Variants in ERP27 observed in about 807,000 individuals in gnomAD.
The protein encoded by ERP27 is endoplasmic reticulum protein 27, also known as endoplasmic reticulum resident protein 27.
Under a neutral mutation model 27.7 loss-of-function variants are expected in ERP27, and 23 were observed. That is an observed-to-expected ratio of 0.83 (90% CI 0.60 to 1.18). The LOEUF is 1.18. Among genes scored for constraint, ERP27 ranks in the 50% most tolerant of loss-of-function variants. The probability of loss-of-function intolerance (pLI) is 0.00; values close to 1 mark genes in which losing one functional copy is unlikely to be tolerated. For synonymous variants in ERP27, 159 were observed against 118.3 expected, an observed-to-expected ratio of 1.34 and a Z score of -2.23; for missense variants, 363 against 327.9, an observed-to-expected ratio of 1.11 and a Z score of -0.83.
intron 2 of ERP27, among the ~76,000 whole-genome samples, chr12:14,937,554 C>G (rs1490646179): frequency 1.3e-5 from 2 of 152,180 alleles, no homozygotes; most frequent in Non-Finnish European, 2.9e-5. Flanking sequence ...ATCCTGTAAA[C>G]AGTGTTGCTG....
intron 3 of ERP27, among the ~76,000 whole-genome samples, chr12:14,927,653 C>T (rs768140344): frequency 1.3e-5 from 2 of 151,994 alleles, no homozygotes; most frequent in Non-Finnish European, 2.9e-5. Context: ...AAGCAGTCCT[C>T]AATGCAGGGT....
intron 4 of ERP27, among the ~76,000 whole-genome samples, chr12:14,919,444 A>G (rs1236485098): frequency 6.6e-6 from 1 of 152,096 alleles, no homozygotes; most frequent in African/African-American, 2.4e-5. Flanking sequence ...GGACCATAAG[A>G]TCATCTTTTC....
intron 1 of ERP27, 138 bp from the exon 2 acceptor site, chr12:14,938,190 G>T (rs1023146777): frequency 2.3e-5 from 18 of 797,514 alleles, no homozygotes; most frequent in Middle Eastern, 2.4e-4. Context: ...GCATTCCAAG[G>T]CATAATATTT....
At chr12:14,929,299 G>A (rs1052311881) in intron 3 of ERP27, among the ~76,000 whole-genome samples, 1 of 152,144 alleles carries the variant, frequency 6.6e-6, no homozygotes, top group Non-Finnish European at 1.5e-5. Context: ...AAGCAAAAGA[G>A]CTTTAATAAA....
intron 4 of ERP27, among the ~76,000 whole-genome samples, chr12:14,918,206 G>A (rs1863444048): frequency 6.6e-5 from 10 of 152,200 alleles, no homozygotes; most frequent in Admixed American, 4.6e-4. Flanking sequence ...ATGGCAGACA[G>A]GGATTCACAC....
chr12:14,915,522 G>A lies in ERP27; in HGVS notation c.741C>T (p.Asn247=), dbSNP rs756042007. 6.2e-7 allele frequency: 1 copy of A among 1,614,188 alleles called. No homozygotes were observed. Among genetic ancestry groups the A allele is most frequent in the Non-Finnish European group, 8.5e-7 (1 of 1,180,014 alleles). The stretch of plus-strand genomic sequence containing the variant: ...TTCCACTTAGGAATCCATCACAAAA[G>A]TTTTGCACATGCTCTACGGAAACTT... ...TAEVSVEHVQ[N]FCDGFLSGKL... Residue 247 remains asparagine (N), a synonymous_variant, in exon 6 of 7, where the codon AAC becomes AAT. Coordinates refer to ENST00000266397, the MANE Select transcript of ERP27 (RefSeq NM_152321.4).
chr12:14,914,806 AT>A, intron 6 of ERP27, 24 bp from the exon 7 acceptor site: 1 of 1,594,586 alleles, frequency 6.3e-7, no homozygotes, highest in Non-Finnish European at 8.6e-7. Context: ...TAACAATGAT[AT>A]TTAGATTAGT....
intron 3 of ERP27, chr12:14,929,197 C>G: frequency 7.9e-7 from 1 of 1,272,012 alleles, no homozygotes; most frequent in Admixed American, 3.2e-5. Flanking sequence ...ACAGGGAGAA[C>G]AAGAAAAGCC....
At chr12:14,937,496 G>A (rs1390544273) in intron 2 of ERP27, among the ~76,000 whole-genome samples, 1 of 152,210 alleles carries the variant, frequency 6.6e-6, no homozygotes, top group Non-Finnish European at 1.5e-5. Context: ...ATATTTGGGG[G>A]AAAGGCTTTA....
At chr12:14,929,677 C>A (rs1863668383) in intron 3 of ERP27, among the ~76,000 whole-genome samples, 1 of 152,110 alleles carries the variant, frequency 6.6e-6, no homozygotes, top group Admixed American at 6.5e-5. Flanking sequence ...TCAAGAGTAT[C>A]TGAAGTAGAT....
chr12:14,932,342 G>C (rs1280974231), intron 3 of ERP27, among the ~76,000 whole-genome samples: 1 of 152,198 alleles, frequency 6.6e-6, no homozygotes, highest in East Asian at 1.9e-4. Context: ...TAACATTCCT[G>C]AACTGATTCA....
At chr12:14,919,545 G>A (rs920459286) in intron 4 of ERP27, among the ~76,000 whole-genome samples, 1 of 152,174 alleles carries the variant, frequency 6.6e-6, no homozygotes, top group Non-Finnish European at 1.5e-5. Flanking sequence ...AGTGGAAATA[G>A]AGTCACCAAC....
chr12:14,921,013 G>T lies in ERP27; in HGVS notation c.369C>A (p.Asp123Glu). Reference sequence around the variant, plus strand: ...ATTTGGTGGCATCAATGCTTTCAATGTCTTCGTCCTCTAAATTCAGTTGTT... The same window carrying T: ...ATTTGGTGGCATCAATGCTTTCAATTTCTTCGTCCTCTAAATTCAGTTGTT... Reference protein sequence around the residue: ...DNEQLNLEDEDIESIDATKLS... With the variant: ...DNEQLNLEDEEIESIDATKLS... Residue 123 changes from aspartate (D) to glutamate (E), a missense_variant, in exon 4 of 7, where the codon GAC becomes GAA. Coordinates refer to ENST00000266397, the MANE Select transcript of ERP27 (RefSeq NM_152321.4). 2 of 1,614,102 alleles carry T rather than the reference G, an allele frequency of 1.2e-6. No individual in the cohort carries two copies. Among genetic ancestry groups the T allele is most frequent in the Non-Finnish European group, 1.7e-6 (2 of 1,179,976 alleles).
At position 14,914,594 on chromosome 12, in the gene ERP27, G is replaced by A. The variant is rs535684433; in HGVS notation, c.*141C>T. The A allele has an allele frequency of 4.5e-5, 28 of 622,806 alleles. No homozygotes were observed. The highest frequency in any genetic ancestry group is 9.3e-5 in the African/African-American group (5 of 53,716). The allele number at this position is 622,806 out of a possible 1,614,324, so 38.6% of individuals were successfully genotyped here. On this transcript the variant is annotated 3_prime_UTR_variant, in exon 7 of 7. Transcript: ENST00000266397. Reference sequence around the variant, plus strand: ...TGTGTGTGTGCGTGTGTGTGTGCACGCGTGCGTGCGTGTGTGCACGTGCGT... The same window carrying A: ...TGTGTGTGTGCGTGTGTGTGTGCACACGTGCGTGCGTGTGTGCACGTGCGT...
intron 2 of ERP27, among the ~76,000 whole-genome samples, chr12:14,935,729 C>G (rs1001705311): frequency 1.3e-5 from 2 of 152,058 alleles, no homozygotes; most frequent in African/African-American, 4.8e-5. Flanking sequence ...TTAAGATGTA[C>G]TTTGTTTATT....
At chr12:14,933,746 C>A (rs1017984161) in intron 3 of ERP27, among the ~76,000 whole-genome samples, 3 of 152,218 alleles carry the variant, frequency 2.0e-5, no homozygotes, top group Non-Finnish European at 4.4e-5. Context: ...CATGACCTCA[C>A]TATTCTTAGA....
chr12:14,931,988 C>T (rs1863704529), intron 3 of ERP27, among the ~76,000 whole-genome samples: 1 of 152,138 alleles, frequency 6.6e-6, no homozygotes, highest in African/African-American at 2.4e-5. Flanking sequence ...TCTTATTTCA[C>T]ACTGGTGAGA....
rs527546309 is a variant in ERP27, at chr12:14,920,306, G to A, written c.450+626C>T. On this transcript the variant is annotated intron_variant, in intron 4 of 6. Transcript: ENST00000266397. Reference sequence around the variant, plus strand: ...AGGCTGAGGCATGGTGAGGGTGTAGGCACTTGCTAGTCAAAGCATGGTTTG... The same window carrying A: ...AGGCTGAGGCATGGTGAGGGTGTAGACACTTGCTAGTCAAAGCATGGTTTG... 2.0e-5 allele frequency among the ~76,000 whole-genome samples: 3 copies of A among 152,254 alleles called. No individual in the cohort carries two copies. The East Asian group carries it at 5.8e-4, about 29-fold the overall frequency.
At position 14,920,946 on chromosome 12, in the gene ERP27, C is replaced by CT. The variant is rs767578492; in HGVS notation, c.435dup (p.Glu146ArgfsTer31). On this transcript the variant is annotated frameshift_variant, in exon 4 of 7. Transcript: ENST00000266397. LOFTEE classifies it high-confidence loss of function. Reference sequence around the variant, plus strand: ...GTATTGTTTACCACAGGGTTGTACTCTGTCACCATGTGGAGGCTGTTGATC... The same window carrying CT: ...GTATTGTTTACCACAGGGTTGTACTCTTGTCACCATGTGGAGGCTGTTGATC... 1.2e-6 allele frequency: 2 copies of CT among 1,613,752 alleles called. No individual in the cohort carries two copies. The highest frequency in any genetic ancestry group is 3.3e-5 in the Admixed American group (2 of 60,004).
Sources: allele counts gnomAD v4.1 joint callset (sites outside exome capture counted in the v4.1 genomes callset), GRCh38; gene constraint gnomAD v4.1.1; transcripts MANE v1.5; gene names NCBI Gene and HGNC (gene_info 2026-07-23, HGNC 2026-07-21).